Variants in TULP4 observed in about 807,000 individuals in gnomAD.
TULP4 encodes the protein TUB like protein 4, also known as tubby-related protein 4.
In TULP4, 16 loss-of-function variants were observed where a neutral mutation model predicts 129.0. The observed-to-expected ratio is 0.12, with a 90% CI of 0.08 to 0.19. The LOEUF (loss-of-function observed/expected upper bound fraction) is 0.19, where lower values mean the gene tolerates loss of function less well. Among genes scored for constraint, TULP4 ranks in the 10% least tolerant of loss-of-function variants. The probability of loss-of-function intolerance (pLI) is 1.00; values close to 1 mark genes in which losing one functional copy is unlikely to be tolerated. For synonymous variants in TULP4, 998 were observed against 854.0 expected (o/e 1.17, Z -2.94); for missense variants, 1,842 against 2,059.1 (o/e 0.89, Z 2.04).
At chr6:158,263,674 T>C (rs773012717) in intron 1 of TULP4, among the ~76,000 whole-genome samples, 9 of 152,142 alleles carry the variant, frequency 5.9e-5, no homozygotes, top group Non-Finnish European at 1.3e-4. Flanking sequence ...GAAGATCGCT[T>C]GAGCCTGAGA....
At chr6:158,506,372 C>T (rs1042896316) in intron 13 of TULP4, among the ~76,000 whole-genome samples, 20 of 151,788 alleles carry the variant, frequency 1.3e-4, no homozygotes, top group Admixed American at 2.0e-4. Context: ...GCTGGGACTA[C>T]AGGCGCCCGC....
chr6:158,259,537 C>T (rs1778311610), intron 1 of TULP4, among the ~76,000 whole-genome samples: 1 of 152,168 alleles, frequency 6.6e-6, no homozygotes, highest in Non-Finnish European at 1.5e-5. Context: ...TTATTTATCG[C>T]AGTTTTGAAC....
intron 10 of TULP4, among the ~76,000 whole-genome samples, chr6:158,494,111 G>A (rs1216215680): frequency 6.6e-6 from 1 of 152,068 alleles, no homozygotes; most frequent in Non-Finnish European, 1.5e-5. Flanking sequence ...CCTCGTTTCT[G>A]CCCCATGCTT....
At chr6:158,450,766 A>C (rs1779146498) in intron 4 of TULP4, among the ~76,000 whole-genome samples, 1 of 151,536 alleles carries the variant, frequency 6.6e-6, no homozygotes, top group African/African-American at 2.4e-5. Context: ...AAAAAAAAAG[A>C]AAACAAGGGA....
intron 1 of TULP4, among the ~76,000 whole-genome samples, chr6:158,390,036 A>C (rs1583826247): frequency 6.6e-6 from 1 of 151,450 alleles, no homozygotes; most frequent in Non-Finnish European, 1.5e-5. Flanking sequence ...GCACCACTGC[A>C]CTCCAGCCTG....
At position 158,416,860 on chromosome 6, in the gene TULP4, G is replaced by T. The variant is rs192544464; in HGVS notation, c.381+3667G>T. Among the ~76,000 whole-genome samples the T allele has an allele frequency of 4.5e-4, 68 of 152,290 alleles. 1 individual carries two copies. Among genetic ancestry groups the T allele is most frequent in the African/African-American group, 1.6e-3 (67 of 41,576 alleles). ...CTTTTATACTGTATTCTTACTGTAT[G>T]TTGTCTATGTTTAGATAGCTTTAGA... On this transcript the variant is annotated intron_variant, in intron 2 of 13. Transcript: ENST00000367097.
Position 158,413,204 on chromosome 6 carries a change from GGC to G in TULP4, c.381+14_381+15del. On this transcript the variant is annotated intron_variant, in intron 2 of 13. Transcript: ENST00000367097. This position sits in a 1 kb window ranked among gnomAD's most constrained non-coding sequence, Gnocchi z 4.9. ...GACCGCGGGGCGCAGGTGAGTGGCA[GGC>G]GCAGCTCTGCCAGTGAAGGGCTGCG... 1 of 1,606,732 alleles carries G rather than the reference GGC, an allele frequency of 6.2e-7. No homozygotes were observed. Among genetic ancestry groups the G allele is most frequent in the Non-Finnish European group, 8.5e-7 (1 of 1,174,778 alleles).
chr6:158,349,842 A>C (rs1377473109), intron 1 of TULP4, among the ~76,000 whole-genome samples: 19 of 127,904 alleles, frequency 1.5e-4, no homozygotes, highest in Non-Finnish European at 2.6e-4. Context: ...GGCCGGGCAG[A>C]GGCGCTCCTC....
intron 8 of TULP4, among the ~76,000 whole-genome samples, chr6:158,484,350 C>G (rs1780017512): frequency 6.6e-6 from 1 of 151,040 alleles, no homozygotes; most frequent in African/African-American, 2.4e-5. Context: ...AGGGTCTCAC[C>G]GTGTTTCCCA....
chr6:158,438,669 C>T (rs1427806555), intron 3 of TULP4, among the ~76,000 whole-genome samples: 1 of 152,122 alleles, frequency 6.6e-6, no homozygotes, highest in African/African-American at 2.4e-5. Context: ...ACTGCAACCT[C>T]CATCTCCTGG....
At chr6:158,303,006 A>C (rs937178278) in intron 1 of TULP4, among the ~76,000 whole-genome samples, 1 of 149,976 alleles carries the variant, frequency 6.7e-6, no homozygotes, top group Non-Finnish European at 1.5e-5. Flanking sequence ...GAGGAAGGCC[A>C]TAAATTAGAG....
At chr6:158,478,835 A>G (rs1056257691) in intron 6 of TULP4, among the ~76,000 whole-genome samples, 4 of 152,108 alleles carry the variant, frequency 2.6e-5, no homozygotes, top group African/African-American at 4.8e-5. Context: ...TCTAACTTGC[A>G]TATTTGCATT....
chr6:158,309,929 G>GGGAGAGGGAGA (rs1554278992), upstream of TULP4, among the ~76,000 whole-genome samples: 3 of 36,622 alleles, frequency 8.2e-5, no homozygotes, highest in South Asian at 2.2e-3. Flanking sequence ...GGAGGGGGAG[G>GGGAGAGGGAGA]GGGAGAGGGA....
intron 1 of TULP4, among the ~76,000 whole-genome samples, chr6:158,246,273 G>C (rs987254514): frequency 2.0e-5 from 3 of 152,000 alleles, no homozygotes; most frequent in Non-Finnish European, 4.4e-5. Flanking sequence ...AGGCTGAGGT[G>C]GGTGGATTAC....
intron 6 of TULP4, among the ~76,000 whole-genome samples, chr6:158,468,369 A>G (rs577226441): frequency 3.3e-5 from 5 of 152,380 alleles, no homozygotes; most frequent in Non-Finnish European, 7.3e-5. Flanking sequence ...CCGAAGTTAC[A>G]CAAACTTCTC....
chr6:158,450,145 G>A (rs955235339), intron 4 of TULP4, among the ~76,000 whole-genome samples: 7 of 152,272 alleles, frequency 4.6e-5, no homozygotes, highest in South Asian at 2.1e-4. Context: ...TAACCATCTC[G>A]TTTTGGGGAA....
intron 1 of TULP4, among the ~76,000 whole-genome samples, chr6:158,271,766 G>T (rs1778554986): frequency 6.6e-6 from 1 of 152,086 alleles, no homozygotes; most frequent in Non-Finnish European, 1.5e-5. Flanking sequence ...CTTTGATTCA[G>T]GTGTAACTGT....
intron 9 of TULP4, among the ~76,000 whole-genome samples, chr6:158,492,705 C>T (rs953253316): frequency 6.6e-6 from 1 of 152,162 alleles, no homozygotes; most frequent in South Asian, 2.1e-4. Context: ...ATCTGCCATC[C>T]TCCCACTCCT....
chr6:158,325,336 G>A (rs1188702387), intron 1 of TULP4, among the ~76,000 whole-genome samples: 1 of 148,654 alleles, frequency 6.7e-6, no homozygotes, highest in African/African-American at 2.5e-5. Flanking sequence ...AAACTGAAGG[G>A]ATTTGAGGAA....
Sources: allele counts gnomAD v4.1 joint callset (sites outside exome capture counted in the v4.1 genomes callset), GRCh38; gene constraint gnomAD v4.1.1; non-coding constraint Gnocchi (gnomAD v3.1); transcripts MANE v1.5; gene names NCBI Gene and HGNC (gene_info 2026-07-23, HGNC 2026-07-21).